ADD2: variants seen among roughly 807,000 people sequenced by gnomAD.
ADD2 encodes adducin 2.
ADD2 carries 23 observed loss-of-function variants against 83.0 expected under a neutral mutation model. The observed-to-expected ratio is 0.28, with a 90% CI of 0.20 to 0.39. ADD2 has a LOEUF of 0.39. ADD2 is among the 10% of genes least tolerant of loss of function. The probability of loss-of-function intolerance (pLI) is 1.00; values close to 1 mark genes in which losing one functional copy is unlikely to be tolerated. For synonymous variants in ADD2, 375 were observed against 375.4 expected, an observed-to-expected ratio of 1.00 and a Z score of 0.01; for missense variants, 758 against 944.9, an observed-to-expected ratio of 0.80 and a Z score of 2.59.
rs1474633529 is a variant in ADD2, at chr2:70,756,753, G to A, written c.-154+11133C>T. Reference sequence around the variant, plus strand: ...CTGGTTGTAGTGAATCTATTGTCTGGAGTTGTGGGGATGGCCAGAAGAGAG... The same window carrying A: ...CTGGTTGTAGTGAATCTATTGTCTGAAGTTGTGGGGATGGCCAGAAGAGAG... On this transcript the variant is annotated intron_variant, in intron 1 of 15. Transcript: ENST00000264436. 2.3e-4 allele frequency among the ~76,000 whole-genome samples: 35 copies of A among 152,176 alleles called. 1 individual carries two copies. Among genetic ancestry groups the A allele is most frequent in the Admixed American group, 2.2e-3 (34 of 15,282 alleles).
At chr2:70,754,577 A>T (rs1574326544) in intron 1 of ADD2, among the ~76,000 whole-genome samples, 1 of 151,210 alleles carries the variant, frequency 6.6e-6, no homozygotes, top group Non-Finnish European at 1.5e-5. Flanking sequence ...TTCTCCGAGG[A>T]CTCCAGCTCC....
intron 1 of ADD2, among the ~76,000 whole-genome samples, chr2:70,723,288 G>A (rs1351889257): frequency 4.6e-5 from 7 of 152,294 alleles, no homozygotes; most frequent in African/African-American, 1.2e-4. Context: ...ATATATGAAA[G>A]CACAGGCTTT....
intron 1 of ADD2, among the ~76,000 whole-genome samples, chr2:70,719,216 C>A (rs1574284876): frequency 6.6e-6 from 1 of 152,218 alleles, no homozygotes; most frequent in African/African-American, 2.4e-5. Context: ...GTGGGTACAG[C>A]CACCTATGAG....
At chr2:70,747,049 G>C (rs1028610621) in intron 1 of ADD2, among the ~76,000 whole-genome samples, 1 of 133,806 alleles carries the variant, frequency 7.5e-6, no homozygotes, top group Non-Finnish European at 1.5e-5. Context: ...TCGCTCTGTC[G>C]CCCAGGCTGG....
chr2:70,764,359 G>T (rs1675271961), intron 1 of ADD2, among the ~76,000 whole-genome samples: 1 of 151,890 alleles, frequency 6.6e-6, no homozygotes, highest in South Asian at 2.1e-4. Context: ...AAGATGAACT[G>T]GCGTGAGATC....
At chr2:70,746,858 C>A (rs1458832881) in intron 1 of ADD2, among the ~76,000 whole-genome samples, 4 of 152,120 alleles carry the variant, frequency 2.6e-5, no homozygotes, top group African/African-American at 9.7e-5. Flanking sequence ...AGCATCTGAG[C>A]CAAATGTTTT....
At chr2:70,728,966 ACT>A (rs1248141747) in intron 1 of ADD2, among the ~76,000 whole-genome samples, 1 of 152,172 alleles carries the variant, frequency 6.6e-6, no homozygotes, top group East Asian at 1.9e-4. Flanking sequence ...CCACCGGCAA[ACT>A]CTCAAAGATA....
At chr2:70,752,521 G>T (rs1303822364) in intron 1 of ADD2, among the ~76,000 whole-genome samples, 5 of 152,184 alleles carry the variant, frequency 3.3e-5, no homozygotes, top group African/African-American at 1.2e-4. Context: ...ATGGAGCCAA[G>T]TAGAAAGATT....
intron 1 of ADD2, among the ~76,000 whole-genome samples, chr2:70,761,106 T>C (rs1178587457): frequency 6.6e-6 from 1 of 152,192 alleles, no homozygotes; most frequent in Non-Finnish European, 1.5e-5. Context: ...AAATGAAGAT[T>C]GAGCATAGGA....
intron 14 of ADD2, 125 bp downstream of exon 14, chr2:70,674,553 A>C: frequency 2.7e-6 from 3 of 1,092,194 alleles, no homozygotes; most frequent in Non-Finnish European, 2.6e-6. Flanking sequence ...CATTTTTGTG[A>C]TTAATGGAAC....
intron 1 of ADD2, among the ~76,000 whole-genome samples, chr2:70,730,897 T>A (rs1435209453): frequency 6.6e-6 from 1 of 152,234 alleles, no homozygotes; most frequent in Non-Finnish European, 1.5e-5. Flanking sequence ...TGCCTAGGTG[T>A]GTAACAGGCT....
At chr2:70,677,644 G>GA in intron 12 of ADD2, 114 bp downstream of exon 12, 1 of 1,351,726 alleles carries the variant, frequency 7.4e-7, no homozygotes, top group Non-Finnish European at 1.0e-6. Flanking sequence ...TCTCCTGTGA[G>GA]GCATGTGAGA....
At chr2:70,680,774 T>G (rs938588069) in intron 10 of ADD2, among the ~76,000 whole-genome samples, 2 of 152,234 alleles carry the variant, frequency 1.3e-5, no homozygotes, top group African/African-American at 4.8e-5. Flanking sequence ...CCCATTATTA[T>G]ATTTTCAAAG....
At chr2:70,739,520 TC>T (rs1425818391) in intron 1 of ADD2, among the ~76,000 whole-genome samples, 1 of 152,230 alleles carries the variant, frequency 6.6e-6, no homozygotes, top group Non-Finnish European at 1.5e-5. Flanking sequence ...GACCCAGCAA[TC>T]TTATTACTGT....
intron 1 of ADD2, among the ~76,000 whole-genome samples, chr2:70,728,721 C>A (rs782094438): frequency 6.6e-6 from 1 of 152,214 alleles, no homozygotes; most frequent in Non-Finnish European, 1.5e-5. Flanking sequence ...GACGTCTGTA[C>A]CTTTGGGTCT....
chr2:70,753,816 G>A (rs919783393), intron 1 of ADD2, among the ~76,000 whole-genome samples: 30 of 152,106 alleles, frequency 2.0e-4, no homozygotes, highest in African/African-American at 5.1e-4. Context: ...AAAAGCCTAC[G>A]CTCTCCCATA....
chr2:70,717,423 G>A (rs1388258413), intron 1 of ADD2, among the ~76,000 whole-genome samples: 2 of 152,158 alleles, frequency 1.3e-5, no homozygotes, highest in Non-Finnish European at 2.9e-5. Flanking sequence ...CCTAAGCAGA[G>A]GCAGGCGCCA....
chr2:70,690,667 C>A, intron 8 of ADD2, 119 bp downstream of exon 8: 2 of 1,219,042 alleles, frequency 1.6e-6, no homozygotes, highest in South Asian at 1.7e-5. Context: ...GGATAGAGAT[C>A]TTTCTTTTTT....
chr2:70,699,282 T>G (rs979810947), intron 4 of ADD2, among the ~76,000 whole-genome samples: 9 of 152,122 alleles, frequency 5.9e-5, no homozygotes, highest in Non-Finnish European at 4.4e-5. Context: ...TCACTGATTA[T>G]GGGGAAAGTT....
Sources: allele counts gnomAD v4.1 joint callset (sites outside exome capture counted in the v4.1 genomes callset), GRCh38; gene constraint gnomAD v4.1.1; transcripts MANE v1.5; gene names NCBI Gene and HGNC (gene_info 2026-07-23, HGNC 2026-07-21).